The following SLC5A11 variants were observed in gnomAD, a reference collection of about 807,000 sequenced individuals.
SLC5A11 encodes the protein solute carrier family 5 member 11.
A neutral mutation model predicts 69.8 loss-of-function variants in SLC5A11; 48 were observed. The observed-to-expected ratio is 0.69, with a 90% CI of 0.55 to 0.87. The LOEUF is 0.87. SLC5A11 is among the 40% of genes least tolerant of loss of function. The pLI, the probability that SLC5A11 is intolerant of heterozygous loss-of-function variation, is 0.00. For synonymous variants in SLC5A11, 319 were observed against 342.4 expected, an observed-to-expected ratio of 0.93 and a Z score of 0.75; for missense variants, 784 against 866.1, an observed-to-expected ratio of 0.91 and a Z score of 1.19.
At chr16:24,877,888 G>A (rs2047784722) in intron 7 of SLC5A11, among the ~76,000 whole-genome samples, 1 of 152,254 alleles carries the variant, frequency 6.6e-6, no homozygotes, top group Non-Finnish European at 1.5e-5. Context: ...GGAGGCCGAG[G>A]CAGGAGAATC....
Position 24,905,640 on chromosome 16 carries a change from G to GCACACA in SLC5A11, c.1007-978_1007-973dup, listed in dbSNP as rs56335988. Among the ~76,000 whole-genome samples, 219 of 136,774 alleles carry GCACACA rather than the reference G, an allele frequency of 1.6e-3. 1 individual carries two copies. The highest frequency in any genetic ancestry group is 7.8e-3 in the East Asian group (36 of 4,602). The allele number at this position is 136,774 out of a possible 152,430, so 89.7% of individuals were successfully genotyped here. A position where few individuals can be genotyped will look rare whatever the true frequency, so the allele number is the denominator to read the frequency against. ...CCATCTCAAAAACACGCGCGCGCGC[G>GCACACA]CACACACACACACACACACACACAC... On this transcript the variant is annotated intron_variant, in intron 10 of 15. Transcript: ENST00000347898.
intron 1 of SLC5A11, among the ~76,000 whole-genome samples, chr16:24,853,675 C>T (rs1026772692): frequency 3.3e-5 from 5 of 152,244 alleles, no homozygotes; most frequent in Admixed American, 1.3e-4. Context: ...GCACTGACTG[C>T]GGCCTAGAAG....
intron 1 of SLC5A11, among the ~76,000 whole-genome samples, chr16:24,852,164 A>G (rs1174778339): frequency 6.6e-6 from 1 of 152,048 alleles, no homozygotes. Context: ...TTCTTTCATT[A>G]TGAAACGTTT....
Position 24,862,581 on chromosome 16 carries a change from C to T in SLC5A11, c.136-20C>T, listed in dbSNP as rs774758918. ...ATTGCTAACGTCTTCCCTCACCCAC[C>T]TCTCTTCTTTTTTTTTCAGTCCACA... On this transcript the variant is annotated intron_variant, in intron 2 of 15. Transcript: ENST00000347898. 4 of 1,602,766 alleles carry T rather than the reference C, an allele frequency of 2.5e-6. No individual in the cohort carries two copies. Among genetic ancestry groups the T allele is most frequent in the South Asian group, 1.1e-5 (1 of 89,810 alleles).
intron 15 of SLC5A11, among the ~76,000 whole-genome samples, chr16:24,910,807 C>T (rs111896176): frequency 0.013 from 2,006 of 152,182 alleles, 39 homozygotes; most frequent in African/African-American, 0.046. Context: ...TCTAAACTGG[C>T]GGCTTGCAGA....
exon 12 of SLC5A11, chr16:24,907,171 G>A: frequency 6.2e-7 from 1 of 1,614,012 alleles, no homozygotes; most frequent in Non-Finnish European, 8.5e-7. Flanking sequence ...CATGATTGTG[G>A]GCAGGTAAGT....
intron 13 of SLC5A11, 35 bp from the exon 15 acceptor site, chr16:24,908,846 G>C (rs2050274032): frequency 7.5e-6 from 12 of 1,600,210 alleles, no homozygotes; most frequent in East Asian, 2.2e-5. Context: ...CAGAGCCCTT[G>C]GCGTCTCTAA....
intron 7 of SLC5A11, among the ~76,000 whole-genome samples, chr16:24,882,278 G>A (rs952546563): frequency 2.0e-5 from 3 of 152,160 alleles, no homozygotes; most frequent in African/African-American, 7.2e-5. Context: ...TCTCATCACT[G>A]TTAATATAGA....
intron 3 of SLC5A11, among the ~76,000 whole-genome samples, chr16:24,863,060 A>C (rs1336513269): frequency 1.4e-5 from 2 of 143,880 alleles, no homozygotes. Context: ...ATATAGTTAT[A>C]TAATATATAT....
At chr16:24,906,572 T>C (rs976170944) in intron 10 of SLC5A11, 85 bp from the exon 12 acceptor site, 13 of 735,042 alleles carry the variant, frequency 1.8e-5, no homozygotes, top group South Asian at 9.0e-5. Flanking sequence ...TTCCATATGA[T>C]AAGCCTGTGT....
rs969012605 is a variant in SLC5A11, at chr16:24,877,511, A to G, written c.583+148A>G. The G allele has an allele frequency of 7.0e-6, 4 of 569,456 alleles. No homozygotes were observed. The African/African-American group carries it at 7.5e-5, about 11-fold the overall frequency. The allele number at this position is 569,456 out of a possible 1,614,324, so 35.3% of individuals were successfully genotyped here. On this transcript the variant is annotated intron_variant, in intron 7 of 15. Coordinates refer to ENST00000347898, the Ensembl canonical transcript of SLC5A11. ...TCACTCCTTTACCCTAGATAAAAAG[A>G]TTTCTCCTGACCATTATCCAAAGGA...
intron 7 of SLC5A11, among the ~76,000 whole-genome samples, chr16:24,878,536 CACAA>C (rs1305007034): frequency 6.6e-6 from 1 of 152,092 alleles, no homozygotes; most frequent in Non-Finnish European, 1.5e-5. Context: ...TGTGCACAGA[CACAA>C]ACACACTGGT....
chr16:24,872,109 G>T, intron 4 of SLC5A11, 51 bp from the exon 6 acceptor site: 4 of 1,611,376 alleles, frequency 2.5e-6, no homozygotes, highest in Non-Finnish European at 3.4e-6. Context: ...ATCCAAATGG[G>T]TACCTTGTTG....
At chr16:24,866,782 C>T (rs2046947373) in intron 3 of SLC5A11, among the ~76,000 whole-genome samples, 1 of 151,576 alleles carries the variant, frequency 6.6e-6, no homozygotes. Context: ...TCACTAGAGA[C>T]AAAAAAGAAA....
intron 10 of SLC5A11, among the ~76,000 whole-genome samples, chr16:24,902,801 A>T (rs947091960): frequency 6.6e-6 from 1 of 152,184 alleles, no homozygotes; most frequent in Non-Finnish European, 1.5e-5. Flanking sequence ...GGCCTCCCAA[A>T]GTGTCGGAAT....
intron 1 of SLC5A11, 93 bp from the exon 3 acceptor site, chr16:24,858,527 C>A: frequency 2.6e-6 from 3 of 1,155,010 alleles, no homozygotes; most frequent in Non-Finnish European, 3.6e-6. Flanking sequence ...CACATGGGTC[C>A]TCTTTCATGG....
chr16:24,895,625 G>A (rs1349865353), intron 9 of SLC5A11, among the ~76,000 whole-genome samples: 1 of 140,506 alleles, frequency 7.1e-6, no homozygotes. Flanking sequence ...GGGAGGGAAG[G>A]GACCCCTCAG....
At chr16:24,910,257 C>T in intron 14 of SLC5A11, 49 bp from the exon 16 acceptor site, 1 of 1,594,620 alleles carries the variant, frequency 6.3e-7, no homozygotes, top group East Asian at 2.2e-5. Context: ...GATGGACAAC[C>T]CCGGCCCCAC....
chr16:24,869,345 A>T (rs1289514107), intron 3 of SLC5A11, among the ~76,000 whole-genome samples: 1 of 152,128 alleles, frequency 6.6e-6, no homozygotes, highest in Admixed American at 6.6e-5. Context: ...CCAAATTCCC[A>T]GGAAAGAGAA....
Sources: gnomAD v4.1 joint callset for allele counts (sites outside exome capture counted in the v4.1 genomes callset) on GRCh38, gnomAD v4.1.1 for gene constraint, MANE v1.5 for transcripts, NCBI Gene and HGNC (gene_info 2026-07-23, HGNC 2026-07-21) for gene names.